The following ABCB9 variants were observed in gnomAD, a reference collection of about 807,000 sequenced individuals.
The protein encoded by ABCB9 is ATP binding cassette subfamily B member 9.
In ABCB9, 36 loss-of-function variants were observed where a neutral mutation model predicts 62.0. The observed-to-expected ratio is 0.58, with a 90% CI of 0.45 to 0.77. The LOEUF (loss-of-function observed/expected upper bound fraction) is 0.77, where lower values mean the gene tolerates loss of function less well. ABCB9 is among the 30% of genes least tolerant of loss of function. The pLI is 0.00. For missense variants in ABCB9, 943 were observed against 1,054.7 expected (o/e 0.89, Z 1.47); for synonymous variants, 435 against 461.4 (o/e 0.94, Z 0.73).
rs755769868 is a variant in ABCB9, at chr12:122,944,390, C to T, written c.1380+1G>A. Reference sequence around the variant, plus strand: ...GATCCCCGGACACACTGGCCTCTCACCTCCATACAATCTCCCAGGACAAAC... The same window carrying T: ...GATCCCCGGACACACTGGCCTCTCATCTCCATACAATCTCCCAGGACAAAC... On this transcript the variant is annotated splice_donor_variant, in intron 7 of 11. Coordinates refer to ENST00000280560, the MANE Select transcript of ABCB9 (RefSeq NM_019625.4). LOFTEE classifies it high-confidence loss of function. This position sits in a 1 kb window ranked among gnomAD's most constrained non-coding sequence, Gnocchi z 4.9. 19 of 1,611,780 alleles carry T rather than the reference C, an allele frequency of 1.2e-5. No individual in the cohort carries two copies. Among genetic ancestry groups the T allele is most frequent in the Non-Finnish European group, 1.4e-5 (16 of 1,178,584 alleles).
chr12:122,947,445 A>C lies in ABCB9; in HGVS notation c.1053+1179T>G. 2.2e-6 allele frequency: 1 copy of C among 450,992 alleles called. No individual in the cohort carries two copies. The highest frequency in any genetic ancestry group is 4.5e-6 in the Non-Finnish European group (1 of 223,854). 27.9% of individuals were successfully genotyped at this position (450,992 alleles called of 1,614,324 possible). A position where few individuals can be genotyped will look rare whatever the true frequency, so the allele number is the denominator to read the frequency against. Reference sequence around the variant, plus strand: ...CCTGGTCTCAGGTCACCAACACCAAAGGCTCCAATGGAGCTGCGACAATGA... The same window carrying C: ...CCTGGTCTCAGGTCACCAACACCAACGGCTCCAATGGAGCTGCGACAATGA... On this transcript the variant is annotated intron_variant, in intron 5 of 11. Coordinates refer to ENST00000280560, the MANE Select transcript of ABCB9 (RefSeq NM_019625.4). The surrounding 1 kb of genome is among the most constrained non-coding windows in gnomAD (Gnocchi z 6.0).
At chr12:122,934,803 TTTATC>T (rs1317268106) in intron 10 of ABCB9, among the ~76,000 whole-genome samples, 1 of 151,968 alleles carries the variant, frequency 6.6e-6, no homozygotes, top group African/African-American at 2.4e-5. Flanking sequence ...ACATGTTATT[TTTATC>T]TCCCCAGTCC....
rs769482546 is a variant in ABCB9, at chr12:122,941,011, A to T, written c.1381-16T>A. On this transcript the variant is annotated splice_polypyrimidine_tract_variant and intron_variant, in intron 7 of 11. Transcript: ENST00000280560. Reference sequence around the variant, plus strand: ...AGCCCACGGACTGGGGAGAGGAGACACGCGTTCCTGTCCCACCGATACCCG... The same window carrying T: ...AGCCCACGGACTGGGGAGAGGAGACTCGCGTTCCTGTCCCACCGATACCCG... The T allele has an allele frequency of 6.4e-7, 1 of 1,574,066 alleles. No individual in the cohort carries two copies. The highest frequency in any genetic ancestry group is 8.7e-7 in the Non-Finnish European group (1 of 1,152,434).
In ABCB9 at chr12:122,959,878, A is replaced by C; in HGVS notation, c.358T>G (p.Phe120Val). 1 of 1,613,574 alleles carries C rather than the reference A, an allele frequency of 6.2e-7. No individual in the cohort carries two copies. The highest frequency in any genetic ancestry group is 8.5e-7 in the Non-Finnish European group (1 of 1,179,892). ...CCGAGTGAAATGTACGTCCACACGA[A>C]CAGGGCCCAAAACCAGGGGTCCCGG... is the stretch of plus-strand genomic sequence containing the variant. ...PIRDPWFWAL[F>V]VWTYISLGAS... is the part of the protein sequence containing the mutation. Residue 120 changes from phenylalanine (F) to valine (V), a missense_variant, in exon 2 of 12, where the codon TTC (phenylalanine) becomes GTC (valine). Coordinates refer to ENST00000280560, the MANE Select transcript of ABCB9 (RefSeq NM_019625.4). This position sits in a 1 kb window ranked among gnomAD's most constrained non-coding sequence, Gnocchi z 5.4.
chr12:122,967,016 T>TCTA (rs1376702064), upstream of ABCB9, among the ~76,000 whole-genome samples: 1 of 152,150 alleles, frequency 6.6e-6, no homozygotes, highest in African/African-American at 2.4e-5. Context: ...CTAGTGAGGG[T>TCTA]GTCAGACAAC....
rs779368981 is a variant in ABCB9, at chr12:122,935,366, G to A, written c.1809C>T (p.Gly603=). ...CCATCTCGAAAGGCACAGTGGGCAG[G>A]CCGTAGGAGATGTTATCCGTGATGG... is the stretch of plus-strand genomic sequence containing the variant. ...ARSITDNISY[G]LPTVPFEMVV... The change falls in exon 10 of 12, where the codon GGC becomes GGT. Residue 603 remains glycine (G), a synonymous_variant. Coordinates refer to ENST00000280560, the MANE Select transcript of ABCB9 (RefSeq NM_019625.4). The A allele has an allele frequency of 1.2e-6, 2 of 1,614,116 alleles. No homozygotes were observed. The highest frequency in any genetic ancestry group is 1.7e-6 in the Non-Finnish European group (2 of 1,180,010).
In ABCB9 at chr12:122,932,107, C is replaced by T; in HGVS notation, c.2040+85G>A. The stretch of plus-strand genomic sequence containing the variant: ...GGAGAGCTCCTGGGGCCCGTCTCTT[C>T]TCAGCATCCATCTGCTGGGCGATGG... On this transcript the variant is annotated intron_variant, in intron 11 of 11. Coordinates refer to ENST00000280560, the MANE Select transcript of ABCB9 (RefSeq NM_019625.4). The surrounding 1 kb of genome is among the most constrained non-coding windows in gnomAD (Gnocchi z 4.7). The T allele has an allele frequency of 6.5e-7, 1 of 1,546,950 alleles. No individual in the cohort carries two copies. The highest frequency in any genetic ancestry group is 8.7e-7 in the Non-Finnish European group (1 of 1,146,076).
At chr12:122,962,809 C>T (rs1390697655) in intron 1 of ABCB9, among the ~76,000 whole-genome samples, 1 of 152,214 alleles carries the variant, frequency 6.6e-6, no homozygotes, top group Admixed American at 6.5e-5. Flanking sequence ...TTAATCCTCA[C>T]AGCAACTTTG....
chr12:122,944,245 G>T lies in ABCB9; in HGVS notation c.1380+146C>A. Reference sequence around the variant, plus strand: ...CGCCCTGCCTAGTATTATCATTCTTGATATGATCATGCTGTCTCCCCTACT... The same window carrying T: ...CGCCCTGCCTAGTATTATCATTCTTTATATGATCATGCTGTCTCCCCTACT... On this transcript the variant is annotated intron_variant, in intron 7 of 11. Coordinates refer to ENST00000280560, the MANE Select transcript of ABCB9 (RefSeq NM_019625.4). The surrounding 1 kb of genome is among the most constrained non-coding windows in gnomAD (Gnocchi z 4.9). 8.0e-7 allele frequency: 1 copy of T among 1,248,842 alleles called. No homozygotes were observed. Among genetic ancestry groups the T allele is most frequent in the Non-Finnish European group, 1.1e-6 (1 of 914,468 alleles). The allele number at this position is 1,248,842 out of a possible 1,614,324, so 77.4% of individuals were successfully genotyped here. A position where few individuals can be genotyped will look rare whatever the true frequency, so the allele number is the denominator to read the frequency against.
chr12:122,946,997 T>C (rs1022306875), intron 5 of ABCB9, among the ~76,000 whole-genome samples: 1 of 152,196 alleles, frequency 6.6e-6, no homozygotes, highest in Non-Finnish European at 1.5e-5. Flanking sequence ...GCAGGAAGCA[T>C]GCAGGGTGCC....
chr12:122,926,774 C>A (rs2034919321), downstream of ABCB9, among the ~76,000 whole-genome samples: 1 of 151,932 alleles, frequency 6.6e-6, no homozygotes. Flanking sequence ...GCGATGTGCA[C>A]CTGTAGCCCC....
chr12:122,922,493 C>T (rs532218314), intron 11 of ABCB9, among the ~76,000 whole-genome samples: 1 of 151,708 alleles, frequency 6.6e-6, no homozygotes, highest in Non-Finnish European at 1.5e-5. Context: ...GATTCTCCTG[C>T]CTCAGCTTCC....
upstream of ABCB9, among the ~76,000 whole-genome samples, chr12:122,967,327 C>G (rs1033715758): frequency 6.6e-6 from 1 of 152,230 alleles, no homozygotes; most frequent in Non-Finnish European, 1.5e-5. Context: ...GAACATCCTA[C>G]GCTAAGGCCT....
At chr12:122,970,137 T>C (rs1033072686), upstream of ABCB9, among the ~76,000 whole-genome samples, 1 of 152,218 alleles carries the variant, frequency 6.6e-6, no homozygotes, top group Non-Finnish European at 1.5e-5. Context: ...TGGAGTGCAA[T>C]GGCATGAACT....
chr12:122,920,926 A>C (rs2034731321), downstream of ABCB9: 32 of 1,270,040 alleles, frequency 2.5e-5, 1 homozygote, highest in South Asian at 4.0e-4. Flanking sequence ...AAAAAAAATC[A>C]CATAAAGCGC....
intron 2 of ABCB9, chr12:122,952,621 A>G (rs2036419101): frequency 6.6e-6 from 1 of 152,212 alleles, no homozygotes; most frequent in Non-Finnish European, 1.5e-5. Flanking sequence ...ACCCACAGAA[A>G]AGAAGAGGGC....
chr12:122,963,325 G>C (rs1345466594), intron 1 of ABCB9, among the ~76,000 whole-genome samples: 3 of 152,114 alleles, frequency 2.0e-5, no homozygotes, highest in Non-Finnish European at 4.4e-5. Context: ...TAAGGAAAAG[G>C]GTCCCCAGCA....
In ABCB9 at chr12:122,935,396, G is replaced by A. The variant is rs759638966; in HGVS notation, c.1779C>T (p.Ala593=). 1.9e-6 allele frequency: 3 copies of A among 1,614,010 alleles called. No individual in the cohort carries two copies. In the Admixed American group the frequency reaches 5.0e-5, roughly 27 times the overall value. The part of the protein sequence containing the change: ...SLVSQEPVLF[A]RSITDNISYG... ...AGGAGATGTTATCCGTGATGGAGCG[G>A]GCGAACAGCACGGGCTCCTGGCTCA... is the stretch of plus-strand genomic sequence containing the variant. Residue 593 remains alanine (A), a synonymous_variant, in exon 10 of 12, where the codon GCC becomes GCT. Transcript: ENST00000280560.
chr12:122,957,943 G>A (rs1421395637), intron 2 of ABCB9, among the ~76,000 whole-genome samples: 1 of 151,390 alleles, frequency 6.6e-6, no homozygotes, highest in African/African-American at 2.4e-5. Context: ...GCCAAGGCAG[G>A]CAGATCGCTT....
Sources: allele counts gnomAD v4.1 joint callset (sites outside exome capture counted in the v4.1 genomes callset), GRCh38; gene constraint gnomAD v4.1.1; non-coding constraint Gnocchi (gnomAD v3.1); transcripts MANE v1.5; gene names NCBI Gene and HGNC (gene_info 2026-07-23, HGNC 2026-07-21).